The following KCNIP4 variants were observed in gnomAD, a reference collection of about 807,000 sequenced individuals.
The protein encoded by KCNIP4 is Kv channel-interacting protein 4.
KCNIP4 carries 12 observed loss-of-function variants against 34.0 expected under a neutral mutation model. That is an observed-to-expected ratio of 0.35 (90% CI 0.23 to 0.57). KCNIP4 has a LOEUF of 0.57. KCNIP4 is among the 20% of genes least tolerant of loss of function. KCNIP4 has a pLI of 0.83. For synonymous variants in KCNIP4, 124 were observed against 102.2 expected (o/e 1.21, Z -1.29); for missense variants, 238 against 311.7 (o/e 0.76, Z 1.78).
intron 1 of KCNIP4, among the ~76,000 whole-genome samples, chr4:21,794,187 G>A (rs1340552443): frequency 2.0e-5 from 3 of 152,224 alleles, no homozygotes; most frequent in African/African-American, 2.4e-5. Context: ...ACTAGTTAAC[G>A]GGTGCAGCAC....
chr4:21,262,911 T>C (rs780542159), intron 1 of KCNIP4, among the ~76,000 whole-genome samples: 4 of 152,220 alleles, frequency 2.6e-5, no homozygotes, highest in Admixed American at 6.5e-5. Context: ...AAAACTAGTA[T>C]ACCTCCAGCA....
At chr4:21,859,627 C>A (rs1334242903) in intron 1 of KCNIP4, among the ~76,000 whole-genome samples, 124 of 141,566 alleles carry the variant, frequency 8.8e-4, no homozygotes, top group Non-Finnish European at 1.5e-3. Flanking sequence ...GACTCCATTT[C>A]AAAAAAAAAA....
chr4:21,432,301 A>C (rs1726559689), intron 1 of KCNIP4, among the ~76,000 whole-genome samples: 1 of 151,114 alleles, frequency 6.6e-6, no homozygotes. Flanking sequence ...AATCACACTT[A>C]TTTCTCCCAA....
chr4:21,401,461 A>G (rs1324540185), intron 1 of KCNIP4, among the ~76,000 whole-genome samples: 1 of 152,160 alleles, frequency 6.6e-6, no homozygotes, highest in Non-Finnish European at 1.5e-5. Context: ...GGGCAGACCT[A>G]TTAAGGTGCC....
intron 1 of KCNIP4, among the ~76,000 whole-genome samples, chr4:21,272,699 C>T (rs991483906): frequency 9.9e-5 from 15 of 152,196 alleles, no homozygotes; most frequent in African/African-American, 3.6e-4. Flanking sequence ...TTCACACCTT[C>T]ATAAGCCATG....
At chr4:21,470,148 C>T (rs1037931528) in intron 1 of KCNIP4, among the ~76,000 whole-genome samples, 2 of 152,062 alleles carry the variant, frequency 1.3e-5, no homozygotes, top group African/African-American at 2.4e-5. Flanking sequence ...GCCTTGACAT[C>T]GGGACAGATT....
rs185532868 is a variant in KCNIP4, at chr4:21,658,409, G to A, written c.61+290162C>T. The stretch of plus-strand genomic sequence containing the variant: ...ACATCACATCACATCACATCACATA[G>A]GGCACATCCCTTTTTTATTTTTTTG... On this transcript the variant is annotated intron_variant, in intron 1 of 8. Coordinates refer to ENST00000382152, the MANE Select transcript of KCNIP4 (RefSeq NM_025221.6). 4.3e-4 allele frequency among the ~76,000 whole-genome samples: 65 copies of A among 151,946 alleles called. 1 individual carries two copies. The highest frequency in any genetic ancestry group is 1.4e-3 in the Admixed American group (22 of 15,260).
chr4:21,072,684 C>T (rs1221329165), intron 1 of KCNIP4, among the ~76,000 whole-genome samples: 2 of 152,020 alleles, frequency 1.3e-5, no homozygotes, highest in African/African-American at 4.8e-5. Context: ...TTTTTGTTGC[C>T]ATTGCTTTTC....
chr4:21,631,100 C>G (rs1745733678), intron 1 of KCNIP4, among the ~76,000 whole-genome samples: 2 of 152,178 alleles, frequency 1.3e-5, no homozygotes, highest in African/African-American at 2.4e-5. Flanking sequence ...TATTGCTTCT[C>G]TTGTTGCTCA....
intron 1 of KCNIP4, among the ~76,000 whole-genome samples, chr4:21,054,566 A>C (rs1743240019): frequency 6.6e-6 from 1 of 151,956 alleles, no homozygotes; most frequent in Non-Finnish European, 1.5e-5. Context: ...GAATAGAAAA[A>C]AGAATTCAAA....
chr4:20,956,794 T>C (rs547284758), intron 1 of KCNIP4, among the ~76,000 whole-genome samples: 1 of 152,314 alleles, frequency 6.6e-6, no homozygotes, highest in Non-Finnish European at 1.5e-5. Context: ...GGCCGCTATT[T>C]ACAAATTTAT....
intron 1 of KCNIP4, among the ~76,000 whole-genome samples, chr4:21,257,288 G>A (rs917395276): frequency 6.6e-6 from 1 of 152,142 alleles, no homozygotes; most frequent in African/African-American, 2.4e-5. Context: ...GGAGCTCAGG[G>A]CCTGATATTT....
intron 1 of KCNIP4, among the ~76,000 whole-genome samples, chr4:21,888,567 G>A (rs550510133): frequency 1.3e-5 from 2 of 152,040 alleles, no homozygotes; most frequent in Admixed American, 6.6e-5. Context: ...GGGTGATTAG[G>A]AGCCACTCTC....
At chr4:21,784,648 A>G (rs1341003888) in intron 1 of KCNIP4, among the ~76,000 whole-genome samples, 1 of 152,192 alleles carries the variant, frequency 6.6e-6, no homozygotes, top group Non-Finnish European at 1.5e-5. Context: ...TGTTATCATG[A>G]AGCCAAACAT....
chr4:21,569,328 A>C (rs1228960210), intron 1 of KCNIP4, among the ~76,000 whole-genome samples: 1 of 151,162 alleles, frequency 6.6e-6, no homozygotes, highest in East Asian at 1.9e-4. Context: ...CTTGAAAGAA[A>C]ATAATAGAAA....
rs1195936447 is a variant in KCNIP4, at chr4:20,742,744, G to C, written c.429+6918C>G. Among the ~76,000 whole-genome samples, 16 of 152,260 alleles carry C rather than the reference G, an allele frequency of 1.1e-4. No individual in the cohort carries two copies. The East Asian group carries it at 2.9e-3, about 28-fold the overall frequency. ...ATCAGGCAGGAGAAGGAAATAAAGG[G>C]TATTCAATTAGGGAAAGAAGAAGTC... On this transcript the variant is annotated intron_variant, in intron 5 of 8. Transcript: ENST00000382152.
At chr4:21,302,979 C>T (rs1278810887) in intron 1 of KCNIP4, among the ~76,000 whole-genome samples, 1 of 152,154 alleles carries the variant, frequency 6.6e-6, no homozygotes, top group Non-Finnish European at 1.5e-5. Context: ...TTAAAAATTG[C>T]TCTGCCAACT....
chr4:21,433,743 G>A (rs1726706558), intron 1 of KCNIP4, among the ~76,000 whole-genome samples: 1 of 152,084 alleles, frequency 6.6e-6, no homozygotes, highest in African/African-American at 2.4e-5. Flanking sequence ...CTCTGCTATA[G>A]CCAATTTCCT....
intron 1 of KCNIP4, among the ~76,000 whole-genome samples, chr4:21,484,385 C>T (rs976881802): frequency 5.3e-5 from 8 of 151,882 alleles, no homozygotes; most frequent in African/African-American, 1.9e-4. Context: ...CGAGATCACG[C>T]CATTGCACTC....
Sources: gnomAD v4.1 joint callset for allele counts (sites outside exome capture counted in the v4.1 genomes callset) on GRCh38, gnomAD v4.1.1 for gene constraint, MANE v1.5 for transcripts, NCBI Gene and HGNC (gene_info 2026-07-23, HGNC 2026-07-21) for gene names.